The following FBXO38 variants were observed in gnomAD, a reference collection of about 807,000 sequenced individuals.
FBXO38 encodes the protein F-box only protein 38.
Under a neutral mutation model 131.9 loss-of-function variants are expected in FBXO38, and 53 were observed. That is an observed-to-expected ratio of 0.40 (90% confidence interval 0.32 to 0.51). The LOEUF is 0.51. FBXO38 is among the 20% of genes least tolerant of loss of function. The pLI, the probability that FBXO38 is intolerant of heterozygous loss-of-function variation, is 0.53. For missense variants in FBXO38, 1,076 were observed against 1,475.6 expected, an observed-to-expected ratio of 0.73 and a Z score of 4.44; for synonymous variants, 452 against 505.6, an observed-to-expected ratio of 0.89 and a Z score of 1.42.
Position 148,433,412 on chromosome 5 carries a change from TG to T in FBXO38, c.2654-11del. 6.3e-7 allele frequency: 1 copy of T among 1,599,076 alleles called. No homozygotes were observed. Among genetic ancestry groups the T allele is most frequent in the Admixed American group, 1.8e-5 (1 of 56,848 alleles). ...CTAAAATTTGGATTTTCTTTTTTTT[TG>T]CCTTTTTTAGAAGTAGCCAAAACAA... On this transcript the variant is annotated splice_polypyrimidine_tract_variant and intron_variant, in intron 15 of 21. Transcript: ENST00000340253.
At position 148,427,381 on chromosome 5, in the gene FBXO38, A is replaced by G. The variant is rs1001003489; in HGVS notation, c.2087A>G (p.Lys696Arg). ...GCTAGGGATATTCCTGAAAAGAAAA[A>G]AAACAAGGATGTTTATCCCAGCTGC... ...KAARDIPEKK[K>R]NKDVYPSCSS... The change falls in exon 15 of 22, where the codon AAA (lysine) becomes AGA (arginine). Residue 696 changes from lysine to arginine, a missense_variant. Physicochemically the swap from Lys to Arg is conservative, Grantham distance 26. This residue lies in a region of FBXO38 where 213 missense variants were observed against 225.2 expected (regional missense o/e 0.95). Transcript: ENST00000340253. 1.9e-6 allele frequency: 3 copies of G among 1,614,166 alleles called. No individual in the cohort carries two copies. Among genetic ancestry groups the G allele is most frequent in the Admixed American group, 1.7e-5 (1 of 60,026 alleles).
intron 19 of FBXO38, among the ~76,000 whole-genome samples, chr5:148,440,033 T>C (rs1041492784): frequency 6.6e-6 from 1 of 152,198 alleles, no homozygotes; most frequent in Non-Finnish European, 1.5e-5. Context: ...ATTGCACATG[T>C]ACTTGTAACA....
chr5:148,416,601 C>A, intron 11 of FBXO38: 1 of 188,326 alleles, frequency 5.3e-6, no homozygotes, highest in Non-Finnish European at 1.1e-5. Flanking sequence ...CAATTAAAAA[C>A]TTAATCCTTC....
chr5:148,398,957 A>G, intron 2 of FBXO38, 42 bp from the exon 3 acceptor site: 1 of 1,609,174 alleles, frequency 6.2e-7, no homozygotes, highest in East Asian at 2.2e-5. Flanking sequence ...GAGAAGTAAT[A>G]CTTATCCACT....
chr5:148,423,332 C>T (rs1753544904), intron 12 of FBXO38, among the ~76,000 whole-genome samples: 1 of 152,002 alleles, frequency 6.6e-6, no homozygotes, highest in Non-Finnish European at 1.5e-5. Context: ...TCCTCAACTG[C>T]AAAAATCAGG....
At position 148,409,023 on chromosome 5, in the gene FBXO38, T is replaced by C. The variant is rs10045756; in HGVS notation, c.869-101T>C. The C allele has an allele frequency of 3.0e-3, 1,943 of 637,458 alleles. 30 individuals are homozygous for C. In the African/African-American group the frequency reaches 0.032, roughly 11 times the overall value. 39.5% of individuals were successfully genotyped at this position (637,458 alleles called of 1,614,324 possible). On this transcript the variant is annotated intron_variant, in intron 7 of 21. Transcript: ENST00000340253. Reference sequence around the variant, plus strand: ...AACAAAGCTTAGATTTACTTTTAAATCAGTAATTATCATCTCAGATAATAC... The same window carrying C: ...AACAAAGCTTAGATTTACTTTTAAACCAGTAATTATCATCTCAGATAATAC...
chr5:148,423,799 A>T (rs1753569385), intron 12 of FBXO38, 199 bp from the exon 13 acceptor site: 1 of 355,528 alleles, frequency 2.8e-6, no homozygotes, highest in South Asian at 7.8e-5. Flanking sequence ...CCCATCTGTG[A>T]TTTTCTCTCC....
At position 148,386,713 on chromosome 5, in the gene FBXO38, T is replaced by A. The variant is rs1581212190; in HGVS notation, c.-64+2674T>A. On this transcript the variant is annotated intron_variant, in intron 1 of 21. Coordinates refer to ENST00000340253, the MANE Select transcript of FBXO38 (RefSeq NM_205836.3). ...AGTATAGTCTTTATATATAATACTCTCCTCCTTATTTATTCAGGCATAGCT... is the reference window on the plus strand; with the variant it reads ...AGTATAGTCTTTATATATAATACTCACCTCCTTATTTATTCAGGCATAGCT... 3.3e-5 allele frequency among the ~76,000 whole-genome samples: 5 copies of A among 152,202 alleles called. No homozygotes were observed. In the South Asian group the frequency reaches 1.0e-3, roughly 32 times the overall value.
chr5:148,431,809 T>G (rs1258230146), intron 15 of FBXO38, among the ~76,000 whole-genome samples: 3 of 152,222 alleles, frequency 2.0e-5, no homozygotes, highest in African/African-American at 7.2e-5. Flanking sequence ...TCTTCATGTT[T>G]TGTTGGAACT....
Position 148,408,347 on chromosome 5 carries a change from C to T in FBXO38, c.869-777C>T, listed in dbSNP as rs570876725. On this transcript the variant is annotated intron_variant, in intron 7 of 21. Coordinates refer to ENST00000340253, the MANE Select transcript of FBXO38 (RefSeq NM_205836.3). ...GTAGTATCTACTAAAGTTGGTCATA[C>T]ACATAGCAACAGTTGCATTCCTGGC... Among the ~76,000 whole-genome samples the T allele has an allele frequency of 5.3e-5, 8 of 152,312 alleles. No homozygotes were observed. The South Asian group carries it at 1.2e-3, about 24-fold the overall frequency.
chr5:148,410,382 G>T, intron 8 of FBXO38: 2 of 478,590 alleles, frequency 4.2e-6, no homozygotes, highest in Non-Finnish European at 7.3e-6. Flanking sequence ...TTTTTTGCCT[G>T]CTGCCATCAG....
In FBXO38 at chr5:148,410,761, A is replaced by G. The variant is rs557731771; in HGVS notation, c.1089A>G (p.Leu363=). Reference sequence around the variant, plus strand: ...TAGGATATGTAGATGAGTTTTTGCTACAGAGTAAGATTTATCCCATTTTAA... The same window carrying G: ...TAGGATATGTAGATGAGTTTTTGCTGCAGAGTAAGATTTATCCCATTTTAA... ...LHLGYVDEFL[L]QSRMANADLV... is the part of the protein sequence containing the mutation. The change falls in exon 9 of 22, where the codon CTA becomes CTG. Residue 363 remains leucine, a synonymous_variant. Coordinates refer to ENST00000340253, the MANE Select transcript of FBXO38 (RefSeq NM_205836.3). 14 of 1,608,534 alleles carry G rather than the reference A, an allele frequency of 8.7e-6. No individual in the cohort carries two copies. The highest frequency in any genetic ancestry group is 6.7e-5 in the South Asian group (6 of 89,628).
At chr5:148,384,291 T>A (rs1757794712) in intron 1 of FBXO38, among the ~76,000 whole-genome samples, 1 of 152,114 alleles carries the variant, frequency 6.6e-6, no homozygotes, top group African/African-American at 2.4e-5. Context: ...CATAAAGAAC[T>A]CTCTCTGGGC....
intron 4 of FBXO38, 54 bp downstream of exon 4, chr5:148,402,199 C>A: frequency 6.4e-7 from 1 of 1,573,982 alleles, no homozygotes; most frequent in Non-Finnish European, 8.7e-7. Context: ...AATAATAGAC[C>A]AAAGAATGAT....
Position 148,415,968 on chromosome 5 carries a change from A to G in FBXO38, c.1305A>G (p.Val435=), listed in dbSNP as rs142263196. The G allele has an allele frequency of 6.2e-7, 1 of 1,613,640 alleles. No individual in the cohort carries two copies. Among genetic ancestry groups the G allele is most frequent in the Admixed American group, 1.7e-5 (1 of 60,002 alleles). Residue 435 remains valine (V), a synonymous_variant, in exon 11 of 22, where the codon GTA becomes GTG. Coordinates refer to ENST00000340253, the MANE Select transcript of FBXO38 (RefSeq NM_205836.3). ...CTCGATTGGTTGATATCAACCTAGT[A>G]CGGTGCCATGCTTTGAAGCTGGACT... ...RWTRLVDINL[V]RCHALKLDSF... is the part of the protein sequence containing the mutation.
At chr5:148,386,884 C>G (rs528933514) in intron 1 of FBXO38, among the ~76,000 whole-genome samples, 1 of 151,856 alleles carries the variant, frequency 6.6e-6, no homozygotes, top group Non-Finnish European at 1.5e-5. Flanking sequence ...GTAATGTATA[C>G]GCCATAATTT....
intron 8 of FBXO38, chr5:148,410,105 T>C (rs1326105243): frequency 6.6e-6 from 1 of 152,326 alleles, no homozygotes; most frequent in Non-Finnish European, 1.5e-5. Flanking sequence ...TTTTTTTCAA[T>C]GGAGGAAGTG....
At chr5:148,413,396 C>T (rs143169589) in intron 9 of FBXO38, 29 of 152,086 alleles carry the variant, frequency 1.9e-4, no homozygotes, top group African/African-American at 6.5e-4. Flanking sequence ...GACGTATTCC[C>T]ATGAGCTCTT....
intron 8 of FBXO38, 105 bp downstream of exon 8, chr5:148,409,322 G>T: frequency 1.4e-6 from 1 of 738,194 alleles, no homozygotes; most frequent in Non-Finnish European, 2.4e-6. Flanking sequence ...GTGTACATTT[G>T]ATCAAGCCTT....
Sources: gnomAD v4.1 joint callset for allele counts (sites outside exome capture counted in the v4.1 genomes callset) on GRCh38, gnomAD v4.1.1 for gene constraint, gnomAD v4.1.1 regional missense constraint, MANE v1.5 for transcripts, NCBI Gene and HGNC (gene_info 2026-07-23, HGNC 2026-07-21) for gene names.